PIGN: variants seen among roughly 807,000 people sequenced by gnomAD.
PIGN encodes the protein GPI ethanolamine phosphate transferase 1.
A neutral mutation model predicts 125.4 loss-of-function variants in PIGN; 117 were observed. That is an observed-to-expected ratio of 0.93 (90% CI 0.80 to 1.09). The LOEUF (loss-of-function observed/expected upper bound fraction) is 1.09, where lower values mean the gene tolerates loss of function less well. Among genes scored for constraint, PIGN ranks in the 50% least tolerant of loss-of-function variants. PIGN has a pLI of 0.00. For missense variants in PIGN, 1,075 were observed against 1,094.9 expected, an observed-to-expected ratio of 0.98 and a Z score of 0.26; for synonymous variants, 392 against 377.8, an observed-to-expected ratio of 1.04 and a Z score of -0.44.
At chr18:62,081,333 G>A (rs2033438500) in intron 28 of PIGN, among the ~76,000 whole-genome samples, 3 of 152,096 alleles carry the variant, frequency 2.0e-5, no homozygotes, top group Admixed American at 6.5e-5. Context: ...CTTGTGTGAT[G>A]TATTAAATAA....
intron 27 of PIGN, 57 bp from the exon 28 acceptor site, chr18:62,082,803 G>GA: frequency 5.6e-6 from 5 of 888,146 alleles, no homozygotes; most frequent in South Asian, 3.2e-5. Flanking sequence ...AACACTTTTT[G>GA]AAAAAAATAC....
At chr18:62,071,326 G>A (rs1362218425) in intron 30 of PIGN, among the ~76,000 whole-genome samples, 1 of 152,142 alleles carries the variant, frequency 6.6e-6, no homozygotes, top group African/African-American at 2.4e-5. Flanking sequence ...AGTTTATCTT[G>A]CATCTTCTGC....
chr18:62,135,165 C>G (rs949958216), intron 14 of PIGN, among the ~76,000 whole-genome samples: 5 of 152,066 alleles, frequency 3.3e-5, no homozygotes, highest in African/African-American at 9.7e-5. Flanking sequence ...TAGTACCTTT[C>G]TACATTTTGC....
At chr18:62,033,848 T>C (rs2030225687) in intron 23 of PIGN, among the ~76,000 whole-genome samples, 1 of 152,234 alleles carries the variant, frequency 6.6e-6, no homozygotes, top group South Asian at 2.1e-4. Flanking sequence ...TAAACAAATT[T>C]AATACAATTT....
intron 7 of PIGN, chr18:62,153,444 C>T (rs1008812132): frequency 9.2e-5 from 14 of 152,094 alleles, no homozygotes; most frequent in Non-Finnish European, 1.9e-4. Context: ...AGGCCAGCTA[C>T]CAGCTATGTA....
At chr18:62,185,482 T>C (rs2148049922) in intron 1 of PIGN, among the ~76,000 whole-genome samples, 1 of 152,308 alleles carries the variant, frequency 6.6e-6, no homozygotes, top group East Asian at 1.9e-4. Flanking sequence ...AAAATTTTAG[T>C]TTATTGAGCC....
intron 30 of PIGN, among the ~76,000 whole-genome samples, chr18:62,051,145 T>C (rs1375403983): frequency 1.3e-5 from 2 of 150,228 alleles, no homozygotes; most frequent in African/African-American, 2.4e-5. Flanking sequence ...TCATCAAGGA[T>C]ATTGGTCTAA....
At chr18:62,100,923 T>C (rs2146314989) in intron 22 of PIGN, among the ~76,000 whole-genome samples, 152 bp downstream of exon 22, 1 of 152,322 alleles carries the variant, frequency 6.6e-6, no homozygotes, top group South Asian at 2.1e-4. Flanking sequence ...CTTTGTTAAA[T>C]TCCAGCAAGA....
intron 1 of PIGN, among the ~76,000 whole-genome samples, chr18:62,168,321 A>C (rs922598588): frequency 2.0e-5 from 3 of 152,208 alleles, no homozygotes; most frequent in Non-Finnish European, 4.4e-5. Flanking sequence ...TTATTTGAAA[A>C]TAATTTCAAA....
rs1198516321 is a variant in PIGN, at chr18:62,148,321, G to A, written c.567C>T (p.Ala189=). 5.9e-6 allele frequency: 9 copies of A among 1,515,852 alleles called. No individual in the cohort carries two copies. The highest frequency in any genetic ancestry group is 2.7e-6 in the Non-Finnish European group (3 of 1,127,594). The allele number at this position is 1,515,852 out of a possible 1,614,324, so 93.9% of individuals were successfully genotyped here. ...TAGAAAACAAAGACTGGTTGTTTCT[G>A]GCATGATGAAAGAAGTCCTACATAT... ...FDNVKDFFHH[A]RNNQSLFSKI... Residue 189 remains alanine, a synonymous_variant, in exon 8 of 31, where the codon GCC becomes GCT. Transcript: ENST00000640252.
chr18:62,155,853 C>T (rs369658721), intron 6 of PIGN, among the ~76,000 whole-genome samples: 10 of 152,264 alleles, frequency 6.6e-5, no homozygotes, highest in East Asian at 5.8e-4. Context: ...CCCAAAAAAA[C>T]GAAACTGCTT....
At chr18:62,110,083 T>C in intron 16 of PIGN, 110 bp from the exon 17 acceptor site, 4 of 910,972 alleles carry the variant, frequency 4.4e-6, no homozygotes, top group Non-Finnish European at 6.6e-6. Flanking sequence ...TCAATGGTTA[T>C]ACTACTAGAT....
chr18:62,025,215 A>G (rs2030102268), intron 23 of PIGN, among the ~76,000 whole-genome samples: 1 of 152,204 alleles, frequency 6.6e-6, no homozygotes, highest in Non-Finnish European at 1.5e-5. Flanking sequence ...CCTGTATGGT[A>G]TTTGATACCA....
chr18:62,099,496 T>A (rs906672509), intron 22 of PIGN, among the ~76,000 whole-genome samples: 1 of 136,418 alleles, frequency 7.3e-6, no homozygotes, highest in African/African-American at 2.5e-5. Flanking sequence ...CAAAGCAATC[T>A]TAAGCTTTTA....
At chr18:62,019,034 C>A (rs1376202217) in intron 23 of PIGN, among the ~76,000 whole-genome samples, 1 of 152,028 alleles carries the variant, frequency 6.6e-6, no homozygotes, top group Non-Finnish European at 1.5e-5. Context: ...ATAGTGAGAC[C>A]CTGGCTCTAC....
chr18:62,054,753 A>C (rs1279621837), intron 30 of PIGN, among the ~76,000 whole-genome samples: 11 of 152,036 alleles, frequency 7.2e-5, no homozygotes, highest in Non-Finnish European at 1.6e-4. Flanking sequence ...TGGCCCTCCC[A>C]CAGTGTTGGG....
At chr18:62,130,082 C>A (rs1568209093) in intron 14 of PIGN, among the ~76,000 whole-genome samples, 2 of 152,056 alleles carry the variant, frequency 1.3e-5, no homozygotes, top group Non-Finnish European at 2.9e-5. Flanking sequence ...TTGCTTGCAG[C>A]CCCCAGAAGC....
chr18:62,161,659 TA>T (rs1420989569), intron 3 of PIGN, among the ~76,000 whole-genome samples: 1 of 152,124 alleles, frequency 6.6e-6, no homozygotes, highest in Non-Finnish European at 1.5e-5. Flanking sequence ...TTTAACTGCA[TA>T]ATAAGCTCAT....
chr18:62,136,947 T>C (rs1047862319), intron 14 of PIGN: 3 of 393,852 alleles, frequency 7.6e-6, no homozygotes, highest in Admixed American at 8.9e-5. Context: ...CTTCTTTGCC[T>C]ACTGTGATGG....
Sources: gnomAD v4.1 joint callset for allele counts (sites outside exome capture counted in the v4.1 genomes callset) on GRCh38, gnomAD v4.1.1 for gene constraint, MANE v1.5 for transcripts, NCBI Gene and HGNC (gene_info 2026-07-23, HGNC 2026-07-21) for gene names.